KIAA0586: variants seen among roughly 807,000 people sequenced by gnomAD.
The protein encoded by KIAA0586 is protein TALPID3.
KIAA0586 carries 144 observed loss-of-function variants against 169.8 expected under a neutral mutation model. That is an observed-to-expected ratio of 0.85 (90% CI 0.74 to 0.97). The LOEUF is 0.97. Among genes scored for constraint, KIAA0586 ranks in the 50% least tolerant of loss-of-function variants. The pLI, the probability that KIAA0586 is intolerant of heterozygous loss-of-function variation, is 0.00. For synonymous variants in KIAA0586, 625 were observed against 612.4 expected (o/e 1.02, Z -0.30); for missense variants, 1,854 against 1,823.0 (o/e 1.02, Z -0.31).
intron 3 of KIAA0586, among the ~76,000 whole-genome samples, 199 bp downstream of exon 3, chr14:58,430,916 G>T (rs551175555): frequency 1.8e-4 from 28 of 152,084 alleles, no homozygotes; most frequent in African/African-American, 6.5e-4. Flanking sequence ...CATCCCCTCA[G>T]CCCTGGGCAT....
At chr14:58,555,170 G>A (rs992313754), downstream of KIAA0586, among the ~76,000 whole-genome samples, 3 of 137,962 alleles carry the variant, frequency 2.2e-5, no homozygotes, top group South Asian at 4.5e-4. Context: ...GCACAATCTC[G>A]GCTCACTTCA....
Position 58,496,162 on chromosome 14 carries a change from C to A in KIAA0586, c.3991-2621C>A, listed in dbSNP as rs572767103. ...TTGGTCAGTGAAAGCTCACTGATGG[C>A]AAAACTGTAATTTGTACATATATGT... On this transcript the variant is annotated intron_variant, in intron 26 of 30. Transcript: ENST00000652326. Among the ~76,000 whole-genome samples, 3 of 152,216 alleles carry A rather than the reference C, an allele frequency of 2.0e-5. No homozygotes were observed. The South Asian group carries it at 6.2e-4, about 32-fold the overall frequency.
Position 58,488,604 on chromosome 14 carries a change from T to A in KIAA0586, c.3528-17T>A. The stretch of plus-strand genomic sequence containing the variant: ...TCAGTGACCTAACAAGCTCCAAATA[T>A]GTCTTTATTTTCTTAGTGTAATGTC... On this transcript the variant is annotated splice_polypyrimidine_tract_variant and intron_variant, in intron 23 of 30. Transcript: ENST00000652326. The A allele has an allele frequency of 6.2e-7, 1 of 1,612,166 alleles. No homozygotes were observed. The highest frequency in any genetic ancestry group is 1.3e-5 in the African/African-American group (1 of 74,984).
chr14:58,448,288 T>C (rs2039072074), intron 6 of KIAA0586, 52 bp from the exon 7 acceptor site: 1 of 1,159,080 alleles, frequency 8.6e-7, no homozygotes, highest in Non-Finnish European at 1.2e-6. Context: ...TTTTATCATC[T>C]AACTCTTTCA....
intron 30 of KIAA0586, among the ~76,000 whole-genome samples, chr14:58,546,046 T>A (rs528713334): frequency 1.3e-5 from 2 of 152,236 alleles, no homozygotes; most frequent in African/African-American, 2.4e-5. Flanking sequence ...AAAAAAGATT[T>A]AAAAAATACA....
rs1450069522 is a variant in KIAA0586, at chr14:58,470,683, C to G, written c.2513C>G (p.Pro838Arg). 6.2e-7 allele frequency: 1 copy of G among 1,609,362 alleles called. No homozygotes were observed. The highest frequency in any genetic ancestry group is 2.2e-5 in the East Asian group (1 of 44,708). ...GATGTCCTTTCACCTCTGTCTAGCC[C>G]CAAAGAAGCATCTCTTCCTCCTGTG... is the stretch of plus-strand genomic sequence containing the variant. ...SADVLSPLSS[P>R]KEASLPPVQT... is the part of the protein sequence containing the mutation. The change falls in exon 17 of 31, where the codon CCC becomes CGC. Residue 838 changes from proline (P) to arginine (R), a missense_variant. Physicochemically the swap from Pro to Arg is moderately radical, Grantham distance 103. Coordinates refer to ENST00000652326, the MANE Select transcript of KIAA0586 (RefSeq NM_001329943.3).
At chr14:58,555,208 C>A (rs1048717681), downstream of KIAA0586, among the ~76,000 whole-genome samples, 4 of 145,106 alleles carry the variant, frequency 2.8e-5, no homozygotes, top group African/African-American at 1.0e-4. Context: ...TCAAGCAATT[C>A]TCCTGCCTCA....
intron 25 of KIAA0586, 58 bp downstream of exon 25, chr14:58,490,298 G>C: frequency 1.0e-6 from 1 of 956,474 alleles, no homozygotes. Context: ...TGTATGAATT[G>C]GTTGCCACTG....
chr14:58,481,972 C>G (rs78865851), intron 20 of KIAA0586, among the ~76,000 whole-genome samples: 4,309 of 151,982 alleles, frequency 0.028, 76 homozygotes, highest in Middle Eastern at 0.065. Context: ...TGCCACCACA[C>G]CTGGCTAATT....
chr14:58,512,703 C>T, intron 29 of KIAA0586, 76 bp downstream of exon 29: 1 of 811,512 alleles, frequency 1.2e-6, no homozygotes, highest in Non-Finnish European at 1.9e-6. Context: ...GAATTCTTTA[C>T]TTTTTATACA....
chr14:58,557,534 C>A, the KIAA0586 span, among the ~76,000 whole-genome samples: 4 of 152,176 alleles, frequency 2.6e-5, no homozygotes, highest in Admixed American at 1.3e-4. Context: ...CTGCACCCCG[C>A]CGGTGTAGGC....
At chr14:58,505,344 T>C (rs961737544) in intron 27 of KIAA0586, among the ~76,000 whole-genome samples, 1 of 152,110 alleles carries the variant, frequency 6.6e-6, no homozygotes, top group African/African-American at 2.4e-5. Context: ...TCCAATAATT[T>C]ATTTAGTTGT....
At position 58,487,953 on chromosome 14, in the gene KIAA0586, C is replaced by T. The variant is rs2042579877; in HGVS notation, c.3371C>T (p.Pro1124Leu). 1.9e-6 allele frequency: 3 copies of T among 1,613,646 alleles called. No individual in the cohort carries two copies. The highest frequency in any genetic ancestry group is 1.7e-5 in the Admixed American group (1 of 59,984). Reference sequence around the variant, plus strand: ...GTTACCCCTACTACTACACCTCCTCCAGCGGCGGCAGTTTTTACCCCAACT... The same window carrying T: ...GTTACCCCTACTACTACACCTCCTCTAGCGGCGGCAGTTTTTACCCCAACT... Reference protein sequence around the residue: ...PTVTPTTTPPPAAAVFTPTLS... With the variant: ...PTVTPTTTPPLAAAVFTPTLS... Residue 1124 changes from proline to leucine, a missense_variant, in exon 23 of 31, where the codon CCA becomes CTA. Coordinates refer to ENST00000652326, the MANE Select transcript of KIAA0586 (RefSeq NM_001329943.3).
At chr14:58,462,232 T>A (rs192531562) in intron 14 of KIAA0586, among the ~76,000 whole-genome samples, 14 of 149,352 alleles carry the variant, frequency 9.4e-5, no homozygotes, top group Admixed American at 2.8e-4. Context: ...TTTCTCTTAT[T>A]TAGTGTAGTT....
At chr14:58,435,984 C>G (rs1320234877) in intron 4 of KIAA0586, among the ~76,000 whole-genome samples, 2 of 152,150 alleles carry the variant, frequency 1.3e-5, no homozygotes, top group Non-Finnish European at 2.9e-5. Flanking sequence ...GCTGGGATTA[C>G]AGGCTTGACC....
chr14:58,484,066 G>T (rs950215482), intron 21 of KIAA0586, among the ~76,000 whole-genome samples: 5 of 152,104 alleles, frequency 3.3e-5, no homozygotes, highest in Non-Finnish European at 7.4e-5. Flanking sequence ...TTTCATGAGG[G>T]TGATTGGATG....
At chr14:58,530,074 G>A (rs1169658976) in intron 29 of KIAA0586, among the ~76,000 whole-genome samples, 2 of 151,952 alleles carry the variant, frequency 1.3e-5, no homozygotes, top group African/African-American at 4.8e-5. Context: ...TAGCCAAATC[G>A]TGAGTGAACT....
intron 30 of KIAA0586, among the ~76,000 whole-genome samples, chr14:58,541,169 A>G (rs1223028956): frequency 6.6e-6 from 1 of 152,222 alleles, no homozygotes; most frequent in Non-Finnish European, 1.5e-5. Context: ...GCAAAGAGAA[A>G]CCACAGACTC....
chr14:58,529,419 G>A (rs2045813062), intron 29 of KIAA0586, among the ~76,000 whole-genome samples: 1 of 152,048 alleles, frequency 6.6e-6, no homozygotes. Flanking sequence ...AAAATTTCAG[G>A]CCAGTATCCG....
Sources: gnomAD v4.1 joint callset for allele counts (sites outside exome capture counted in the v4.1 genomes callset) on GRCh38, gnomAD v4.1.1 for gene constraint, MANE v1.5 for transcripts, NCBI Gene and HGNC (gene_info 2026-07-23, HGNC 2026-07-21) for gene names.